ERCC1: variants seen among roughly 807,000 people sequenced by gnomAD.
ERCC1 encodes DNA excision repair protein ERCC-1.
A neutral mutation model predicts 37.6 loss-of-function variants in ERCC1; 36 were observed. The observed-to-expected ratio is 0.96, with a 90% CI of 0.73 to 1.26. The LOEUF is 1.26. ERCC1 is among the 50% of genes most tolerant of loss of function. The pLI is 0.00. For synonymous variants in ERCC1, 156 were observed against 162.1 expected (o/e 0.96, Z 0.28); for missense variants, 349 against 376.5 (o/e 0.93, Z 0.60).
chr19:45,421,184 A>G lies in ERCC1; in HGVS notation c.315T>C (p.Pro105=). The part of the protein sequence containing the change: ...GAKSNSIIVS[P]RQRGNPVLKF... ...TCTCCGTCTCCCTCCTCACCTGCCGAGGGCTCACAATGATGCTGTTGGATT... is the reference window on the plus strand; with the variant it reads ...TCTCCGTCTCCCTCCTCACCTGCCGGGGGCTCACAATGATGCTGTTGGATT... The change falls in exon 3 of 10, where the codon CCT becomes CCC. Residue 105 remains proline (P), a synonymous_variant. Transcript: ENST00000300853. 1 of 1,614,048 alleles carries G rather than the reference A, an allele frequency of 6.2e-7. No individual in the cohort carries two copies. The highest frequency in any genetic ancestry group is 8.5e-7 in the Non-Finnish European group (1 of 1,179,960).
chr19:45,414,999 A>G (rs1401259856), intron 6 of ERCC1, 39 bp from the exon 7 acceptor site: 12 of 1,472,838 alleles, frequency 8.1e-6, no homozygotes, highest in Non-Finnish European at 1.1e-5. Flanking sequence ...GAGGTGAGGT[A>G]TCAGATTATA....
Position 45,420,184 on chromosome 19 carries a change from C to A in ERCC1, c.425+140G>T. 1 of 696,112 alleles carries A rather than the reference C, an allele frequency of 1.4e-6. No homozygotes were observed. The highest frequency in any genetic ancestry group is 2.6e-6 in the Non-Finnish European group (1 of 382,996). 43.1% of individuals were successfully genotyped at this position (696,112 alleles called of 1,614,324 possible). A position where few individuals can be genotyped will look rare whatever the true frequency, so the allele number is the denominator to read the frequency against. On this transcript the variant is annotated intron_variant, in intron 4 of 9. Coordinates refer to ENST00000300853, the MANE Select transcript of ERCC1 (RefSeq NM_001983.4). The surrounding 1 kb of genome is among the most constrained non-coding windows in gnomAD (Gnocchi z 4.8). ...CCAGGCCAAGACCCCCTGCCTCCAA[C>A]ACAGGGTCCCACCAAGGCCCAGAAC...
intron 1 of ERCC1, among the ~76,000 whole-genome samples, chr19:45,432,079 C>A (rs1341884677): frequency 6.6e-6 from 1 of 152,042 alleles, no homozygotes; most frequent in Non-Finnish European, 1.5e-5. Flanking sequence ...TCAAGCAATT[C>A]TCCTGCCTCA....
intron 1 of ERCC1, among the ~76,000 whole-genome samples, chr19:45,439,209 A>AC (rs1197151175): frequency 4.6e-5 from 7 of 151,998 alleles, no homozygotes; most frequent in Non-Finnish European, 7.4e-5. Context: ...AAACAAACAA[A>AC]AAAACAAATA....
intron 1 of ERCC1, among the ~76,000 whole-genome samples, chr19:45,433,200 G>C (rs1272245901): frequency 6.6e-6 from 1 of 152,050 alleles, no homozygotes; most frequent in South Asian, 2.1e-4. Context: ...GACCGGCCTG[G>C]GCAACGTGGT....
chr19:45,443,631 C>T (rs1251110292), intron 1 of ERCC1, among the ~76,000 whole-genome samples: 1 of 152,128 alleles, frequency 6.6e-6, no homozygotes, highest in Admixed American at 6.5e-5. Flanking sequence ...GCAGGCGGGC[C>T]GGGCAGGGTT....
chr19:45,443,897 C>G (rs899529773), intron 1 of ERCC1, among the ~76,000 whole-genome samples: 1 of 152,100 alleles, frequency 6.6e-6, no homozygotes, highest in African/African-American at 2.4e-5. Flanking sequence ...CACCCCGTAC[C>G]CCGTCCTTTC....
chr19:45,409,647 C>A lies in ERCC1; in HGVS notation c.*28G>T. 1 of 1,442,068 alleles carries A rather than the reference C, an allele frequency of 6.9e-7. No individual in the cohort carries two copies. The highest frequency in any genetic ancestry group is 9.8e-7 in the Non-Finnish European group (1 of 1,024,974). 89.3% of individuals were successfully genotyped at this position (1,442,068 alleles called of 1,614,324 possible). The stretch of plus-strand genomic sequence containing the variant: ...CCTGGGAGGACGATTTATTATTACA[C>A]TGGGGGTTTCCTTGGCAGCTGGGGT... On this transcript the variant is annotated 3_prime_UTR_variant, in exon 10 of 10. Coordinates refer to ENST00000300853, the MANE Select transcript of ERCC1 (RefSeq NM_001983.4).
In ERCC1 at chr19:45,408,590, A is replaced by G. The variant is rs1953164037; in HGVS notation, c.*1085T>C. On this transcript the variant is annotated 3_prime_UTR_variant, in exon 10 of 10. Transcript: ENST00000300853. ...GGACATGGCTTTGGGGTCGCCAGAA[A>G]TGGATGTGCGGAAGAAGAAGAAGAA... The G allele has an allele frequency of 1.2e-6, 2 of 1,613,850 alleles. No homozygotes were observed. Among genetic ancestry groups the G allele is most frequent in the East Asian group, 2.2e-5 (1 of 44,878 alleles).
chr19:45,422,154 T>A (rs1485642884), intron 2 of ERCC1, among the ~76,000 whole-genome samples: 1 of 152,100 alleles, frequency 6.6e-6, no homozygotes, highest in Non-Finnish European at 1.5e-5. Context: ...TAAGTCCTCA[T>A]GTCCCTCCTC....
chr19:45,414,530 C>A (rs1973934731), intron 7 of ERCC1: 2 of 386,414 alleles, frequency 5.2e-6, no homozygotes, highest in Non-Finnish European at 9.7e-6. Context: ...ACAGAAGGGG[C>A]AAGTGCTTGG....
At position 45,421,365 on chromosome 19, in the gene ERCC1, C is replaced by A; in HGVS notation, c.134G>T (p.Ser45Ile). 6.2e-7 allele frequency: 1 copy of A among 1,613,494 alleles called. No homozygotes were observed. The highest frequency in any genetic ancestry group is 1.7e-4 in the Middle Eastern group (1 of 5,840). The change falls in exon 3 of 10, where the codon AGC (serine) becomes ATC (isoleucine). Residue 45 changes from serine to isoleucine, a missense_variant. Physicochemically the swap from Ser to Ile is moderately radical, Grantham distance 142. Coordinates refer to ENST00000300853, the MANE Select transcript of ERCC1 (RefSeq NM_001983.4). The part of the protein sequence containing the change: ...VAKPLFRSTQ[S>I]LPTVDTSAQA... ...GGCCGAGGTGTCCACAGTGGGAAGG[C>A]TCTGTGTAGATCGGAATAAGGGCTT...
Position 45,420,543 on chromosome 19 carries a change from G to A in ERCC1, c.322-116C>T. On this transcript the variant is annotated intron_variant, in intron 3 of 9. Coordinates refer to ENST00000300853, the MANE Select transcript of ERCC1 (RefSeq NM_001983.4). The surrounding 1 kb of genome is among the most constrained non-coding windows in gnomAD (Gnocchi z 4.8). Reference sequence around the variant, plus strand: ...CCTCCCACCTCTTCCCACACCTCCTGCCTCCTCGCACCTCTTCCCACACCT... The same window carrying A: ...CCTCCCACCTCTTCCCACACCTCCTACCTCCTCGCACCTCTTCCCACACCT... The A allele has an allele frequency of 5.6e-6, 4 of 720,504 alleles. No homozygotes were observed. The South Asian group carries it at 5.9e-5, about 11-fold the overall frequency. 44.6% of individuals were successfully genotyped at this position (720,504 alleles called of 1,614,324 possible). A position where few individuals can be genotyped will look rare whatever the true frequency, so the allele number is the denominator to read the frequency against.
intron 1 of ERCC1, among the ~76,000 whole-genome samples, chr19:45,439,080 G>A (rs1346571952): frequency 1.3e-5 from 2 of 152,054 alleles, no homozygotes; most frequent in Admixed American, 1.3e-4. Context: ...CAGCTACTCG[G>A]GAGGCTAAGG....
At chr19:45,427,426 T>A (rs535845302), upstream of ERCC1, among the ~76,000 whole-genome samples, 28 of 151,498 alleles carry the variant, frequency 1.8e-4, no homozygotes, top group Non-Finnish European at 3.4e-4. Context: ...CTGGCCAAGA[T>A]GATGAAACCT....
intron 9 of ERCC1, among the ~76,000 whole-genome samples, chr19:45,413,083 C>G (rs1444026617): frequency 6.6e-6 from 1 of 152,038 alleles, no homozygotes; most frequent in African/African-American, 2.4e-5. Flanking sequence ...GTCCATTTTG[C>G]TTTAGTTTCC....
intron 1 of ERCC1, among the ~76,000 whole-genome samples, chr19:45,447,409 G>A (rs991695427): frequency 7.9e-5 from 12 of 151,464 alleles, no homozygotes; most frequent in Non-Finnish European, 1.2e-4. Flanking sequence ...CTGAGTAGCT[G>A]GAACTACAGG....
chr19:45,442,081 G>T (rs938470393), intron 1 of ERCC1, among the ~76,000 whole-genome samples: 1 of 151,960 alleles, frequency 6.6e-6, no homozygotes, highest in African/African-American at 2.4e-5. Context: ...GGAGGCCGAG[G>T]TGGGAGGATT....
chr19:45,451,482 T>G (rs1967120219), intron 1 of ERCC1, among the ~76,000 whole-genome samples: 1 of 152,120 alleles, frequency 6.6e-6, no homozygotes, highest in African/African-American at 2.4e-5. Context: ...TTGCCTGTCT[T>G]TCTCGAGCCT....
Sources: allele counts gnomAD v4.1 joint callset (sites outside exome capture counted in the v4.1 genomes callset), GRCh38; gene constraint gnomAD v4.1.1; non-coding constraint Gnocchi (gnomAD v3.1); transcripts MANE v1.5; gene names NCBI Gene and HGNC (gene_info 2026-07-23, HGNC 2026-07-21).